CAST: variants seen among roughly 807,000 people sequenced by gnomAD.
CAST encodes MIR583 host.
Under a neutral mutation model 119.6 loss-of-function variants are expected in CAST, and 76 were observed. That is an observed-to-expected ratio of 0.64 (90% CI 0.53 to 0.77). CAST has a LOEUF of 0.77. Ranked by LOEUF, CAST falls within the 30% of genes least tolerant of loss-of-function variation. The probability of loss-of-function intolerance (pLI) is 0.00; values close to 1 mark genes in which losing one functional copy is unlikely to be tolerated. For synonymous variants in CAST, 319 were observed against 331.6 expected (o/e 0.96, Z 0.41); for missense variants, 953 against 946.5 (o/e 1.01, Z -0.09).
chr5:95,993,307 A>G, the CAST span, among the ~76,000 whole-genome samples: 44 of 152,258 alleles, frequency 2.9e-4, no homozygotes, highest in Non-Finnish European at 4.4e-4. Flanking sequence ...TAAAGCTAGA[A>G]AATTTAAATG....
At chr5:96,619,355 C>G (rs1055708176) in intron 1 of CAST, among the ~76,000 whole-genome samples, 1 of 152,150 alleles carries the variant, frequency 6.6e-6, no homozygotes, top group Non-Finnish European at 1.5e-5. Context: ...CCAATCAGCA[C>G]CCTGTCAAAA....
the CAST span, among the ~76,000 whole-genome samples, chr5:96,306,573 C>T: frequency 6.6e-6 from 1 of 152,102 alleles, no homozygotes; most frequent in African/African-American, 2.4e-5. Flanking sequence ...CCTGCTTTCC[C>T]TTATGTGCAT....
At chr5:96,221,165 G>T in the CAST span, among the ~76,000 whole-genome samples, 5 of 152,104 alleles carry the variant, frequency 3.3e-5, no homozygotes, top group African/African-American at 1.2e-4. Flanking sequence ...TGGAAATAAG[G>T]TCTTCACAGA....
intron 5 of CAST, among the ~76,000 whole-genome samples, chr5:96,727,094 G>A (rs934696513): frequency 6.6e-6 from 1 of 152,160 alleles, no homozygotes; most frequent in Non-Finnish European, 1.5e-5. Flanking sequence ...GCCAAAACCC[G>A]TGATGAATAT....
At chr5:96,626,830 C>T (rs932012770) in intron 1 of CAST, among the ~76,000 whole-genome samples, 5 of 152,344 alleles carry the variant, frequency 3.3e-5, no homozygotes, top group South Asian at 2.1e-4. Context: ...ACAGTACCCA[C>T]GCACAGCAAG....
At chr5:96,174,352 C>A in the CAST span, among the ~76,000 whole-genome samples, 1 of 152,180 alleles carries the variant, frequency 6.6e-6, no homozygotes, top group Non-Finnish European at 1.5e-5. Context: ...CACAATTAGT[C>A]CATGAAACAA....
At chr5:96,399,079 A>T in the CAST span, 1 of 1,464,306 alleles carries the variant, frequency 6.8e-7, no homozygotes, top group East Asian at 2.3e-5. Flanking sequence ...GTATATCCAA[A>T]CTTCCTTGCA....
At chr5:95,961,557 G>A in the CAST span, 1 of 1,563,748 alleles carries the variant, frequency 6.4e-7, no homozygotes, top group South Asian at 1.2e-5. Flanking sequence ...AGCCCAGCCT[G>A]CCGGCCGGCC....
intron 1 of CAST, among the ~76,000 whole-genome samples, chr5:96,616,847 G>A (rs1448677561): frequency 6.7e-6 from 1 of 149,362 alleles, no homozygotes; most frequent in Non-Finnish European, 1.5e-5. Context: ...CTTGACCACT[G>A]GCCAAGATTA....
chr5:96,585,862 G>A (rs1017236743), intron 1 of CAST, among the ~76,000 whole-genome samples: 1 of 152,182 alleles, frequency 6.6e-6, no homozygotes, highest in Non-Finnish European at 1.5e-5. Flanking sequence ...CTCGTCTTTG[G>A]TGTCCAAGGA....
At chr5:96,668,820 A>G (rs1044569012) in intron 1 of CAST, among the ~76,000 whole-genome samples, 51 of 152,136 alleles carry the variant, frequency 3.4e-4, no homozygotes, top group African/African-American at 1.2e-3. Context: ...AAAAAAAAAA[A>G]AGGCTGGGAA....
chr5:96,573,429 G>A (rs757290973), intron 1 of CAST, among the ~76,000 whole-genome samples: 3 of 152,050 alleles, frequency 2.0e-5, no homozygotes, highest in African/African-American at 4.8e-5. Context: ...TCAGGAGTTC[G>A]AGACCAGCCT....
At chr5:95,965,656 T>G in the CAST span, among the ~76,000 whole-genome samples, 1 of 152,214 alleles carries the variant, frequency 6.6e-6, no homozygotes, top group African/African-American at 2.4e-5. Flanking sequence ...GCAATGGTTG[T>G]GTTTGACCCA....
chr5:96,292,109 C>G, the CAST span, among the ~76,000 whole-genome samples: 4 of 152,166 alleles, frequency 2.6e-5, no homozygotes, highest in East Asian at 7.7e-4. Context: ...AGAAAAAAGA[C>G]GCATATGTTA....
the CAST span, among the ~76,000 whole-genome samples, chr5:96,253,206 A>G: frequency 6.6e-6 from 1 of 152,030 alleles, no homozygotes; most frequent in Non-Finnish European, 1.5e-5. Flanking sequence ...ATTGCAATGG[A>G]GTTTAATCTA....
chr5:96,611,063 G>T (rs1747352165), intron 1 of CAST, among the ~76,000 whole-genome samples: 1 of 152,014 alleles, frequency 6.6e-6, no homozygotes, highest in Non-Finnish European at 1.5e-5. Context: ...TGCTCTAAAT[G>T]TCCATACTGC....
the CAST span, among the ~76,000 whole-genome samples, chr5:96,030,860 C>T: frequency 1.3e-5 from 2 of 152,146 alleles, no homozygotes; most frequent in Non-Finnish European, 2.9e-5. Context: ...GTCTGTTAAA[C>T]ATAAAGAGAC....
At chr5:96,259,884 CT>C in the CAST span, among the ~76,000 whole-genome samples, 3,088 of 141,100 alleles carry the variant, frequency 0.022, 81 homozygotes, top group African/African-American at 0.065. Context: ...GATTACATTG[CT>C]TTTTTTTTTT....
chr5:96,535,248 C>T (rs1745785827), intron 1 of CAST, among the ~76,000 whole-genome samples: 1 of 152,128 alleles, frequency 6.6e-6, no homozygotes, highest in African/African-American at 2.4e-5. Flanking sequence ...AAGAATATGA[C>T]AGTGTTGGCA....
Sources: allele counts gnomAD v4.1 joint callset (sites outside exome capture counted in the v4.1 genomes callset), GRCh38; gene constraint gnomAD v4.1.1; transcripts MANE v1.5; gene names NCBI Gene and HGNC (gene_info 2026-07-23, HGNC 2026-07-21).